FANCI: variants seen among roughly 807,000 people sequenced by gnomAD.
FANCI encodes FA complementation group I, also known as Fanconi anemia group I protein.
Under a neutral mutation model 176.1 loss-of-function variants are expected in FANCI, and 156 were observed. The observed-to-expected ratio is 0.89, with a 90% CI of 0.78 to 1.01. The LOEUF (loss-of-function observed/expected upper bound fraction) is 1.01. Among genes scored for constraint, FANCI ranks in the 50% least tolerant of loss-of-function variants. The pLI, the probability that FANCI is intolerant of heterozygous loss-of-function variation, is 0.00. For missense variants in FANCI, 1,678 were observed against 1,534.1 expected (o/e 1.09, Z -1.57); for synonymous variants, 613 against 541.7 (o/e 1.13, Z -1.83).
chr15:89,307,382 TCAGA>T, intron 32 of FANCI, 90 bp from the exon 33 acceptor site: 1 of 1,258,042 alleles, frequency 7.9e-7, no homozygotes, highest in Non-Finnish European at 1.1e-6. Context: ...TCCTCTTCAG[TCAGA>T]ATGATGAGTC....
rs143105092 is a variant in FANCI at position 89,260,751 on chromosome 15, C to T, written c.196C>T (p.Arg66Cys). Residue 66 changes from arginine (R) to cysteine (C), a missense_variant, in exon 4 of 38, where the codon CGT (arginine) becomes TGT (cysteine). Around this residue, in one of 3 missense-constraint regions of FANCI, gnomAD observed 469 missense variants for 436.9 expected, o/e 1.07. Transcript: ENST00000310775. ...CSEEAGTLRR[R>C]KIYTCCIQLV... Reference sequence around the variant, plus strand: ...TGAGGAAGCTGGAACACTTAGGAGACGTAAGATATACACTTGTTGTATCCA... The same window carrying T: ...TGAGGAAGCTGGAACACTTAGGAGATGTAAGATATACACTTGTTGTATCCA... 2.9e-5 allele frequency: 46 copies of T among 1,613,744 alleles called. No homozygotes were observed. The highest frequency in any genetic ancestry group is 3.3e-4 in the Middle Eastern group (2 of 6,084).
At chr15:89,314,407 G>T (rs1321570172) in intron 35 of FANCI, among the ~76,000 whole-genome samples, 1 of 152,200 alleles carries the variant, frequency 6.6e-6, no homozygotes, top group Non-Finnish European at 1.5e-5. Flanking sequence ...TAAATGAAAT[G>T]GATCAGTGCA....
intron 14 of FANCI, among the ~76,000 whole-genome samples, chr15:89,279,783 C>A (rs534301142): frequency 6.6e-6 from 1 of 152,218 alleles, no homozygotes; most frequent in South Asian, 2.1e-4. Flanking sequence ...TTTTCTCCCT[C>A]ATACTGTCAT....
At position 89,294,927 on chromosome 15, in the gene FANCI, A is replaced by T. The variant is rs1399355653; in HGVS notation, c.2469A>T (p.Gln823His). 1.3e-6 allele frequency: 2 copies of T among 1,552,270 alleles called. No individual in the cohort carries two copies. The highest frequency in any genetic ancestry group is 1.7e-6 in the Non-Finnish European group (2 of 1,147,108). Reference protein sequence around the residue: ...LLTALFRDSIQSHQESLSVLR... With the variant: ...LLTALFRDSIHSHQESLSVLR... ...TGTCTCTCTCTAGGGATAGTATCCA[A>T]AGCCACCAAGAAAGCCTTTCTGTTC... Residue 823 changes from glutamine to histidine, a missense_variant, in exon 24 of 38, where the codon CAA becomes CAT. By Grantham distance (24) the Gln-to-His change is conservative. Transcript: ENST00000310775.
intron 24 of FANCI, among the ~76,000 whole-genome samples, chr15:89,299,455 T>C (rs1339599466): frequency 6.6e-6 from 1 of 152,164 alleles, no homozygotes; most frequent in African/African-American, 2.4e-5. Flanking sequence ...GAAAACTGCA[T>C]AGCAATATCC....
chr15:89,308,380 G>A (rs1300930179), intron 34 of FANCI, among the ~76,000 whole-genome samples: 1 of 152,188 alleles, frequency 6.6e-6, no homozygotes, highest in Non-Finnish European at 1.5e-5. Context: ...AGGAAGAAAC[G>A]AGAGATCTAC....
chr15:89,296,923 C>T (rs1424092041), intron 24 of FANCI, among the ~76,000 whole-genome samples: 12 of 137,024 alleles, frequency 8.8e-5, no homozygotes, highest in Admixed American at 3.6e-4. Flanking sequence ...GGGGGGCTGA[C>T]CCCCCCACCT....
At chr15:89,249,204 A>G (rs774023807) in intron 2 of FANCI, among the ~76,000 whole-genome samples, 1 of 152,194 alleles carries the variant, frequency 6.6e-6, no homozygotes, top group Non-Finnish European at 1.5e-5. Context: ...CCCACAGAAG[A>G]TGAACTCAGA....
At position 89,316,954 on chromosome 15, in the gene FANCI, C is replaced by A. The variant is rs993485868; in HGVS notation, c.*495C>A. 1.3e-6 allele frequency: 1 copy of A among 748,434 alleles called. No homozygotes were observed. Among genetic ancestry groups the A allele is most frequent in the Non-Finnish European group, 2.4e-6 (1 of 409,890 alleles). 46.4% of individuals were successfully genotyped at this position (748,434 alleles called of 1,614,324 possible). A position where few individuals can be genotyped will look rare whatever the true frequency, so the allele number is the denominator to read the frequency against. Reference sequence around the variant, plus strand: ...AAAGGTTGAGAACAATTGCCACGAACGGTAATGTTACATGTTAGGAGGGTC... The same window carrying A: ...AAAGGTTGAGAACAATTGCCACGAAAGGTAATGTTACATGTTAGGAGGGTC... On this transcript the variant is annotated 3_prime_UTR_variant, in exon 38 of 38. Coordinates refer to ENST00000310775, the MANE Select transcript of FANCI (RefSeq NM_001113378.2).
chr15:89,299,737 CTGTT>C (rs1425779925), intron 24 of FANCI, 59 bp from the exon 25 acceptor site: 10 of 1,544,704 alleles, frequency 6.5e-6, no homozygotes, highest in East Asian at 2.3e-5. Context: ...AAGAATTTTA[CTGTT>C]TGTTATTTTA....
At chr15:89,258,634 A>C in intron 2 of FANCI, 70 bp from the exon 3 acceptor site, 1 of 1,134,468 alleles carries the variant, frequency 8.8e-7, no homozygotes, top group South Asian at 1.2e-5. Flanking sequence ...GTACTTTTTC[A>C]TATTGAGTGT....
At chr15:89,245,764 A>T (rs2051939123) in intron 1 of FANCI, 1 of 152,156 alleles carries the variant, frequency 6.6e-6, no homozygotes, top group Non-Finnish European at 1.5e-5. Context: ...AGGGTTTTGG[A>T]CTGATAAAGC....
At chr15:89,297,326 G>A (rs555944850) in intron 24 of FANCI, among the ~76,000 whole-genome samples, 81 of 151,992 alleles carry the variant, frequency 5.3e-4, no homozygotes, top group Non-Finnish European at 9.3e-4. Flanking sequence ...GATTGCGGCC[G>A]GGCAGAGACG....
chr15:89,252,927 A>G (rs1446958288), intron 2 of FANCI, among the ~76,000 whole-genome samples: 1 of 152,236 alleles, frequency 6.6e-6, no homozygotes, highest in East Asian at 1.9e-4. Context: ...TAAAAATCCC[A>G]TTGAGCTATA....
rs757285246 is a variant in FANCI at position 89,290,232 on chromosome 15, G to A, written c.1841G>A (p.Arg614Gln). 7.4e-6 allele frequency: 12 copies of A among 1,613,640 alleles called. No homozygotes were observed. The African/African-American group carries it at 8.0e-5, about 11-fold the overall frequency. ...MLYEGFYDVLRRNSQLANSVM... is the reference protein window; with the variant it reads ...MLYEGFYDVLQRNSQLANSVM... ...TCTTAGGGGTTTTATGATGTTCTTC[G>A]AAGGAACTCTCAGCTGGCTAATTCA... The change falls in exon 19 of 38, where the codon CGA (arginine) becomes CAA (glutamine). Residue 614 changes from arginine to glutamine, a missense_variant. Physicochemically the swap from Arg to Gln is conservative, Grantham distance 43. Around this residue, in one of 3 missense-constraint regions of FANCI, gnomAD observed 1,204 missense variants for 1,077.4 expected, o/e 1.12. Transcript: ENST00000310775.
In FANCI at chr15:89,305,120, G is replaced by T. The variant is rs1359308008; in HGVS notation, c.3064G>T (p.Ala1022Ser). Residue 1022 changes from alanine (A) to serine (S), a missense_variant, in exon 29 of 38, where the codon GCC becomes TCC. By Grantham distance (99) the Ala-to-Ser change is moderately conservative. Around this residue, in one of 3 missense-constraint regions of FANCI, gnomAD observed 1,204 missense variants for 1,077.4 expected, o/e 1.12. Transcript: ENST00000310775. ...GCTTTTCTTCCTATTCCTAGAGGAT[G>T]CCTTGTTTTGCAAGAGCTTGATGAA... ...KICKENSRED[A>S]LFCKSLMNLL... is the part of the protein sequence containing the mutation. 4 of 1,614,134 alleles carry T rather than the reference G, an allele frequency of 2.5e-6. No homozygotes were observed. In the South Asian group the frequency reaches 4.4e-5, roughly 18 times the overall value.
chr15:89,307,450 TA>T lies in FANCI; in HGVS notation c.3538-23del, dbSNP rs2054768087. 4 of 1,608,606 alleles carry T rather than the reference TA, an allele frequency of 2.5e-6. No individual in the cohort carries two copies. The East Asian group carries it at 8.9e-5, about 36-fold the overall frequency. ...CTTGTAGTTTCATAGGACAGTCTAC[TA>T]AATCTAGGAATCTTTTTTTATTAGT... On this transcript the variant is annotated intron_variant, in intron 32 of 37. Coordinates refer to ENST00000310775, the MANE Select transcript of FANCI (RefSeq NM_001113378.2).
intron 27 of FANCI, among the ~76,000 whole-genome samples, chr15:89,301,754 G>C (rs760995753): frequency 1.2e-4 from 18 of 152,118 alleles, no homozygotes; most frequent in Non-Finnish European, 2.5e-4. Flanking sequence ...TCTTAAACCT[G>C]TGTTCTTTGC....
At chr15:89,286,596 A>T (rs1169449045) in intron 18 of FANCI, among the ~76,000 whole-genome samples, 5 of 152,196 alleles carry the variant, frequency 3.3e-5, no homozygotes, top group Non-Finnish European at 7.3e-5. Context: ...TGGGCTTAAA[A>T]TATTCAGCAA....
Sources: allele counts gnomAD v4.1 joint callset (sites outside exome capture counted in the v4.1 genomes callset), GRCh38; gene constraint gnomAD v4.1.1; regional missense constraint gnomAD v4.1.1; transcripts MANE v1.5; gene names NCBI Gene and HGNC (gene_info 2026-07-23, HGNC 2026-07-21).